The following ACTR3C variants were observed in gnomAD, a reference collection of about 807,000 sequenced individuals.
ACTR3C encodes actin-related protein 3C.
ACTR3C carries 18 observed loss-of-function variants against 26.3 expected under a neutral mutation model. The ratio of observed to expected loss-of-function variants is 0.68; its 90% CI spans 0.47 to 1.01. The LOEUF is 1.01. Among genes scored for constraint, ACTR3C ranks in the 50% least tolerant of loss-of-function variants. The pLI is 0.00. For synonymous variants in ACTR3C, 55 were observed against 94.5 expected (o/e 0.58, Z 2.42); for missense variants, 184 against 250.7 (o/e 0.73, Z 1.80).
chr7:150,046,512 A>G, the ACTR3C span, among the ~76,000 whole-genome samples: 1 of 150,404 alleles, frequency 6.6e-6, no homozygotes, highest in East Asian at 1.9e-4. Flanking sequence ...GGCCGGTGGG[A>G]CCCCTGCGGT....
At chr7:149,966,691 C>T in the ACTR3C span, among the ~76,000 whole-genome samples, 75 of 152,270 alleles carry the variant, frequency 4.9e-4, no homozygotes, top group African/African-American at 1.5e-3. Flanking sequence ...TCAGTGGCAA[C>T]GACTAAGGAA....
rs189726452 is a variant in ACTR3C at position 150,266,955 on chromosome 7, A to G, written c.564+17798T>C. ...TGCTGTAAGTACTTTGGAAAAACTT[A>G]ACCATACAACACAGCAACTGCACTC... On this transcript the variant is annotated intron_variant, in intron 6 of 7. Coordinates refer to ENST00000683684, the MANE Select transcript of ACTR3C (RefSeq NM_001164458.2). Among the ~76,000 whole-genome samples the G allele has an allele frequency of 2.7e-3, 409 of 152,368 alleles. 4 individuals carry two copies. Among genetic ancestry groups the G allele is most frequent in the African/African-American group, 9.3e-3 (388 of 41,584 alleles).
chr7:149,977,469 C>T, the ACTR3C span, among the ~76,000 whole-genome samples: 3 of 152,290 alleles, frequency 2.0e-5, no homozygotes, highest in African/African-American at 7.2e-5. Context: ...GATGGGAACC[C>T]GGCCACTTGT....
the ACTR3C span, among the ~76,000 whole-genome samples, chr7:150,006,636 G>T: frequency 1.3e-5 from 2 of 150,696 alleles, no homozygotes; most frequent in African/African-American, 2.4e-5. Context: ...TCCACCTGGG[G>T]TCCCTGGTGC....
the ACTR3C span, among the ~76,000 whole-genome samples, chr7:149,975,736 G>A: frequency 2.0e-5 from 3 of 152,186 alleles, no homozygotes; most frequent in Non-Finnish European, 4.4e-5. Flanking sequence ...ATGGAGGAAG[G>A]CGCCCCTTCA....
the ACTR3C span, among the ~76,000 whole-genome samples, chr7:150,154,317 G>C: frequency 3.9e-5 from 6 of 152,080 alleles, no homozygotes; most frequent in Non-Finnish European, 7.4e-5. Context: ...TTAAAATTTA[G>C]TGATGCATGT....
At chr7:150,185,490 A>T in the ACTR3C span, among the ~76,000 whole-genome samples, 2 of 152,210 alleles carry the variant, frequency 1.3e-5, no homozygotes, top group Non-Finnish European at 2.9e-5. Context: ...GTTTATTTTC[A>T]TCAAGTGTCA....
the ACTR3C span, among the ~76,000 whole-genome samples, chr7:150,048,313 C>A: frequency 1.3e-5 from 2 of 151,796 alleles, no homozygotes; most frequent in Non-Finnish European, 2.9e-5. Flanking sequence ...CGCAGCTCCT[C>A]CTCCACCCCG....
the ACTR3C span, among the ~76,000 whole-genome samples, chr7:149,942,641 A>C: frequency 6.7e-6 from 1 of 150,188 alleles, no homozygotes; most frequent in East Asian, 1.9e-4. Flanking sequence ...TACATTCTAC[A>C]AAGCTTTACA....
At chr7:150,202,328 T>C in the ACTR3C span, among the ~76,000 whole-genome samples, 1 of 152,228 alleles carries the variant, frequency 6.6e-6, no homozygotes, top group East Asian at 1.9e-4. Flanking sequence ...CTTGTTTTTT[T>C]AAAAAACTTT....
the ACTR3C span, among the ~76,000 whole-genome samples, chr7:150,194,947 A>T: frequency 2.6e-5 from 4 of 151,976 alleles, no homozygotes; most frequent in Non-Finnish European, 5.9e-5. Flanking sequence ...TACAAAAATT[A>T]GCCGAGAGTG....
At chr7:150,259,750 G>A (rs956141954) in intron 6 of ACTR3C, among the ~76,000 whole-genome samples, 2 of 152,142 alleles carry the variant, frequency 1.3e-5, no homozygotes, top group African/African-American at 4.8e-5. Flanking sequence ...CCCATGGCTT[G>A]CTTGCTCATT....
At chr7:150,160,815 T>A in the ACTR3C span, among the ~76,000 whole-genome samples, 1 of 151,290 alleles carries the variant, frequency 6.6e-6, no homozygotes, top group African/African-American at 2.4e-5. Context: ...ACCCTACAGA[T>A]ATTTGTCAAA....
chr7:150,156,507 A>T, the ACTR3C span, among the ~76,000 whole-genome samples: 7 of 152,074 alleles, frequency 4.6e-5, no homozygotes, highest in Non-Finnish European at 1.0e-4. Flanking sequence ...ACTATCGAGC[A>T]TGTGCCATAG....
the ACTR3C span, among the ~76,000 whole-genome samples, chr7:149,964,965 CA>C: frequency 3.9e-5 from 6 of 151,992 alleles, no homozygotes; most frequent in Admixed American, 3.9e-4. Flanking sequence ...ATTTGTCCCT[CA>C]AAAATATTGT....
chr7:149,883,434 G>A, the ACTR3C span, among the ~76,000 whole-genome samples: 1 of 152,206 alleles, frequency 6.6e-6, no homozygotes, highest in African/African-American at 2.4e-5. Flanking sequence ...TCTAAAAATG[G>A]GCCGTGACTG....
chr7:150,035,655 G>C, the ACTR3C span, among the ~76,000 whole-genome samples: 2 of 130,604 alleles, frequency 1.5e-5, no homozygotes, highest in East Asian at 2.3e-4. Flanking sequence ...ACTAACACTC[G>C]CAGTCCTCCA....
At chr7:150,175,815 C>CAAAA in the ACTR3C span, among the ~76,000 whole-genome samples, 309 of 40,708 alleles carry the variant, frequency 7.6e-3, no homozygotes, top group Middle Eastern at 0.031. Flanking sequence ...TCCATCTGAA[C>CAAAA]AAAAAAAAAA....
chr7:149,895,576 T>C, the ACTR3C span, among the ~76,000 whole-genome samples: 1 of 152,174 alleles, frequency 6.6e-6, no homozygotes, highest in South Asian at 2.1e-4. Context: ...GGCTCATGCA[T>C]GTAATCCCAG....
Sources: gnomAD v4.1 joint callset for allele counts (sites outside exome capture counted in the v4.1 genomes callset) on GRCh38, gnomAD v4.1.1 for gene constraint, MANE v1.5 for transcripts, NCBI Gene and HGNC (gene_info 2026-07-23, HGNC 2026-07-21) for gene names.